Variants in PDE1C observed in about 807,000 individuals in gnomAD.
PDE1C encodes dual specificity calcium/calmodulin-dependent 3',5'-cyclic nucleotide phosphodiesterase 1C.
A neutral mutation model predicts 93.1 loss-of-function variants in PDE1C; 62 were observed. The observed-to-expected ratio is 0.67, with a 90% CI of 0.54 to 0.82. PDE1C has a LOEUF of 0.82. PDE1C is among the 40% of genes least tolerant of loss of function. The pLI is 0.00. For missense variants in PDE1C, 742 were observed against 884.6 expected, an observed-to-expected ratio of 0.84 and a Z score of 2.04; for synonymous variants, 325 against 310.1, an observed-to-expected ratio of 1.05 and a Z score of -0.50.
chr7:32,032,685 C>T (rs1316313566), intron 2 of PDE1C, among the ~76,000 whole-genome samples: 2 of 152,094 alleles, frequency 1.3e-5, no homozygotes, highest in Non-Finnish European at 2.9e-5. Flanking sequence ...AAAATGAGGG[C>T]TGTGCACACA....
the PDE1C span, among the ~76,000 whole-genome samples, chr7:31,678,073 A>G: frequency 6.6e-6 from 1 of 152,160 alleles, no homozygotes; most frequent in African/African-American, 2.4e-5. Flanking sequence ...CTTAATAAAA[A>G]ATGTTCTAAC....
chr7:31,814,062 GCACGCGTGCATATATATGTACACACACA>G (rs1562848802), intron 15 of PDE1C, among the ~76,000 whole-genome samples: 2 of 147,624 alleles, frequency 1.4e-5, no homozygotes, highest in African/African-American at 5.1e-5. Context: ...GTACACACAC[GCACGCGTGCATATATATGTACACACACA>G]CACACACACA....
chr7:32,170,735 C>T (rs1055535535), intron 2 of PDE1C, among the ~76,000 whole-genome samples: 1 of 152,170 alleles, frequency 6.6e-6, no homozygotes, highest in Non-Finnish European at 1.5e-5. Context: ...GTCACCTGAC[C>T]TTGGCCTCCT....
At chr7:32,406,416 A>G (rs1204330420) in intron 1 of PDE1C, among the ~76,000 whole-genome samples, 1 of 152,090 alleles carries the variant, frequency 6.6e-6, no homozygotes, top group Non-Finnish European at 1.5e-5. Flanking sequence ...GATGCCACTG[A>G]TGACTTCTAT....
At chr7:31,724,594 C>G in the PDE1C span, among the ~76,000 whole-genome samples, 74 of 152,364 alleles carry the variant, frequency 4.9e-4, no homozygotes, top group African/African-American at 1.7e-3. Context: ...CAGTGCCCCA[C>G]AGCCCAGGCT....
chr7:32,393,551 T>C (rs1029776980), intron 1 of PDE1C, among the ~76,000 whole-genome samples: 1 of 152,218 alleles, frequency 6.6e-6, no homozygotes, highest in Non-Finnish European at 1.5e-5. Context: ...TAGTCCTTAA[T>C]TCAATTGTTA....
intron 7 of PDE1C, among the ~76,000 whole-genome samples, chr7:31,858,527 C>T (rs1794292115): frequency 6.6e-6 from 1 of 152,074 alleles, no homozygotes; most frequent in African/African-American, 2.4e-5. Context: ...TAGCAAAATA[C>T]AGCCTACCCT....
chr7:31,724,204 G>A, the PDE1C span, among the ~76,000 whole-genome samples: 1 of 152,142 alleles, frequency 6.6e-6, no homozygotes, highest in Non-Finnish European at 1.5e-5. Context: ...GGCAAGTGAG[G>A]TGTCTATGGT....
rs1034166461 is a variant in PDE1C, at chr7:31,828,301, A to G, written c.1276T>C (p.Ser426Pro). The G allele has an allele frequency of 6.2e-7, 1 of 1,612,182 alleles. No individual in the cohort carries two copies. The highest frequency in any genetic ancestry group is 8.5e-7 in the Non-Finnish European group (1 of 1,178,740). The change falls in exon 12 of 18, where the codon TCA becomes CCA. Residue 426 changes from serine to proline, a missense_variant. By Grantham distance (74) the Ser-to-Pro change is moderately conservative. This residue lies in a region of PDE1C where 454 missense variants were observed against 459.4 expected (regional missense o/e 0.99). Coordinates refer to ENST00000396191, the MANE Select transcript of PDE1C (RefSeq NM_001191057.4). ...AGCTGCAAACACGTACCTACTTGTG[A>G]CTGAGCAACCATAGTGGACTTTCGG... ...CDRKSTMVAQ[S>P]QVGFIDFIVE... is the part of the protein sequence containing the mutation.
intron 16 of PDE1C, among the ~76,000 whole-genome samples, chr7:31,804,894 G>T (rs1335304150): frequency 3.3e-5 from 5 of 151,768 alleles, no homozygotes; most frequent in African/African-American, 9.7e-5. Context: ...CACATCCTAG[G>T]TGGAATAGAG....
the PDE1C span, among the ~76,000 whole-genome samples, chr7:31,644,399 T>C: frequency 6.6e-6 from 1 of 152,358 alleles, no homozygotes; most frequent in African/African-American, 2.4e-5. Flanking sequence ...GTTTTAGGAT[T>C]AAATAAGAAG....
chr7:32,128,188 TTGTA>T (rs1456027435), intron 3 of PDE1C, among the ~76,000 whole-genome samples: 2 of 149,124 alleles, frequency 1.3e-5, no homozygotes, highest in Non-Finnish European at 3.0e-5. Context: ...TTAGTGCCTA[TTGTA>T]TGTAAGACAC....
the PDE1C span, among the ~76,000 whole-genome samples, chr7:31,738,516 G>A: frequency 6.4e-4 from 98 of 152,316 alleles, no homozygotes; most frequent in African/African-American, 2.1e-3. Flanking sequence ...GCTCTTGACA[G>A]GTGGGGATTA....
chr7:32,194,607 G>A (rs1804480166), intron 2 of PDE1C, among the ~76,000 whole-genome samples: 3 of 151,998 alleles, frequency 2.0e-5, no homozygotes, highest in African/African-American at 7.3e-5. Context: ...TGTTAATATA[G>A]CCACTACAGG....
intron 1 of PDE1C, among the ~76,000 whole-genome samples, chr7:32,056,758 TTGATCAAAAATCTTTCA>T (rs1794172849): frequency 6.6e-6 from 1 of 152,216 alleles, no homozygotes; most frequent in Non-Finnish European, 1.5e-5. Flanking sequence ...CAAAACTTAC[TTGATCAAAAATCTTTCA>T]TTGATTTTAA....
At chr7:31,940,980 A>G (rs1805763663) in intron 2 of PDE1C, among the ~76,000 whole-genome samples, 2 of 151,990 alleles carry the variant, frequency 1.3e-5, no homozygotes, top group Non-Finnish European at 1.5e-5. Flanking sequence ...CAAATAGGAA[A>G]TCTATCCCAG....
At chr7:31,889,853 C>G (rs62456027) in intron 2 of PDE1C, among the ~76,000 whole-genome samples, 19,730 of 152,138 alleles carry the variant, frequency 0.13, 1,903 homozygotes, top group East Asian at 0.28. Flanking sequence ...CACTTCTTAT[C>G]AAATGCAGTA....
intron 2 of PDE1C, among the ~76,000 whole-genome samples, chr7:32,045,841 C>G (rs751440493): frequency 6.6e-6 from 1 of 152,154 alleles, no homozygotes; most frequent in African/African-American, 2.4e-5. Context: ...GGGTGATAAC[C>G]ACTCGCCTTC....
chr7:32,253,329 C>A (rs1313122801), intron 1 of PDE1C, among the ~76,000 whole-genome samples: 1 of 152,128 alleles, frequency 6.6e-6, no homozygotes, highest in Non-Finnish European at 1.5e-5. Flanking sequence ...ATAACAAGAT[C>A]TTTTTTGTTG....
Sources: allele counts gnomAD v4.1 joint callset (sites outside exome capture counted in the v4.1 genomes callset), GRCh38; gene constraint gnomAD v4.1.1; regional missense constraint gnomAD v4.1.1; transcripts MANE v1.5; gene names NCBI Gene and HGNC (gene_info 2026-07-23, HGNC 2026-07-21).